GRAMD1B: variants seen among roughly 807,000 people sequenced by gnomAD.
GRAMD1B encodes the protein GRAM domain containing 1B, also known as protein Aster-B.
Under a neutral mutation model 99.7 loss-of-function variants are expected in GRAMD1B, and 37 were observed. That is an observed-to-expected ratio of 0.37 (90% CI 0.29 to 0.49). The LOEUF (loss-of-function observed/expected upper bound fraction) is 0.49, where lower values mean the gene tolerates loss of function less well. Among genes scored for constraint, GRAMD1B ranks in the 20% least tolerant of loss-of-function variants. The pLI is 0.98. For missense variants in GRAMD1B, 888 were observed against 1,009.2 expected, an observed-to-expected ratio of 0.88 and a Z score of 1.63; for synonymous variants, 427 against 387.6, an observed-to-expected ratio of 1.10 and a Z score of -1.19.
chr11:123,451,579 G>C (rs1949889060), intron 1 of GRAMD1B, among the ~76,000 whole-genome samples: 1 of 152,138 alleles, frequency 6.6e-6, no homozygotes, highest in Non-Finnish European at 1.5e-5. Flanking sequence ...ATTTTAACTA[G>C]CAGTTTCGGT....
intron 1 of GRAMD1B, among the ~76,000 whole-genome samples, chr11:123,455,950 A>T (rs1449982778): frequency 1.3e-5 from 2 of 152,124 alleles, no homozygotes; most frequent in Admixed American, 1.3e-4. Flanking sequence ...TGGGCGGATC[A>T]TTTGAGGTCA....
chr11:123,447,210 A>G (rs1034553417), intron 1 of GRAMD1B, among the ~76,000 whole-genome samples: 1 of 152,220 alleles, frequency 6.6e-6, no homozygotes, highest in African/African-American at 2.4e-5. Flanking sequence ...ACTCACACTC[A>G]GCTGCCACCT....
intron 2 of GRAMD1B, among the ~76,000 whole-genome samples, chr11:123,545,026 G>A (rs1181554782): frequency 6.6e-6 from 1 of 152,172 alleles, no homozygotes; most frequent in Non-Finnish European, 1.5e-5. Context: ...AAGTGTGGAA[G>A]GACAGTGGGC....
chr11:123,619,281 C>T, intron 19 of GRAMD1B, 57 bp downstream of exon 19: 1 of 1,544,476 alleles, frequency 6.5e-7, no homozygotes, highest in East Asian at 2.5e-5. Context: ...GACTCCTTCC[C>T]TTATGCTGTG....
chr11:123,475,340 A>G (rs1951214666), intron 1 of GRAMD1B, among the ~76,000 whole-genome samples: 1 of 152,176 alleles, frequency 6.6e-6, no homozygotes, highest in African/African-American at 2.4e-5. Context: ...GTGACCTTCC[A>G]GGATAAGCTC....
At chr11:123,463,250 T>C (rs939811354) in intron 1 of GRAMD1B, among the ~76,000 whole-genome samples, 1 of 152,238 alleles carries the variant, frequency 6.6e-6, no homozygotes, top group African/African-American at 2.4e-5. Flanking sequence ...TGGCCCCAAG[T>C]GATCCACCCG....
intron 1 of GRAMD1B, among the ~76,000 whole-genome samples, chr11:123,363,990 C>T (rs1235454440): frequency 6.6e-6 from 1 of 152,164 alleles, no homozygotes; most frequent in African/African-American, 2.4e-5. Context: ...GCCAATCAAT[C>T]GGACATGGTT....
chr11:123,602,443 A>G (rs1952105509), intron 8 of GRAMD1B, among the ~76,000 whole-genome samples: 2 of 152,254 alleles, frequency 1.3e-5, no homozygotes, highest in Admixed American at 1.3e-4. Context: ...CTATGTGTAT[A>G]CATGTGCCAT....
intron 1 of GRAMD1B, among the ~76,000 whole-genome samples, chr11:123,416,441 T>C (rs1295522201): frequency 6.6e-6 from 1 of 152,192 alleles, no homozygotes; most frequent in Non-Finnish European, 1.5e-5. Flanking sequence ...ATGATAAAGA[T>C]AATGATCATA....
chr11:123,457,219 A>G (rs1260403762), intron 1 of GRAMD1B, among the ~76,000 whole-genome samples: 1 of 151,888 alleles, frequency 6.6e-6, no homozygotes, highest in African/African-American at 2.4e-5. Context: ...AGAGATTGTT[A>G]TAAAATGATA....
chr11:123,481,159 A>G (rs1448975862), intron 2 of GRAMD1B, among the ~76,000 whole-genome samples: 1 of 152,176 alleles, frequency 6.6e-6, no homozygotes, highest in Non-Finnish European at 1.5e-5. Flanking sequence ...ATAGGTTGAA[A>G]AGACTTCATA....
chr11:123,621,451 G>A (rs936068278), intron 19 of GRAMD1B, among the ~76,000 whole-genome samples: 1 of 152,136 alleles, frequency 6.6e-6, no homozygotes, highest in African/African-American at 2.4e-5. Flanking sequence ...GTGCCCCTGG[G>A]TGCACAAGGG....
intron 2 of GRAMD1B, among the ~76,000 whole-genome samples, chr11:123,568,584 C>A (rs1233348908): frequency 6.6e-6 from 1 of 152,188 alleles, no homozygotes; most frequent in African/African-American, 2.4e-5. Flanking sequence ...TGTGTCAGAT[C>A]TGCAGATGGC....
chr11:123,618,387 C>T, intron 17 of GRAMD1B: 6 of 1,604,662 alleles, frequency 3.7e-6, no homozygotes, highest in Non-Finnish European at 5.1e-6. Flanking sequence ...CCTTTACCCC[C>T]TCATCTCTTT....
Position 123,361,286 on chromosome 11 carries a change from T to C in GRAMD1B, c.-176+2487T>C, listed in dbSNP as rs572917491. On this transcript the variant is annotated intron_variant, in intron 1 of 20. Coordinates refer to the GRAMD1B transcript ENST00000638157. ...TGTCACTGAAATCACCAGCCCTAGG[T>C]CTGCAGCTGCACTCCAGAGGTGTTT... is the stretch of plus-strand genomic sequence containing the variant. Among the ~76,000 whole-genome samples, 6 of 152,294 alleles carry C rather than the reference T, an allele frequency of 3.9e-5. No homozygotes were observed. The South Asian group carries it at 1.2e-3, about 32-fold the overall frequency.
At chr11:123,514,017 C>T (rs953796122) in intron 2 of GRAMD1B, among the ~76,000 whole-genome samples, 5 of 152,072 alleles carry the variant, frequency 3.3e-5, no homozygotes, top group African/African-American at 9.7e-5. Flanking sequence ...ATTCATTCAC[C>T]AGAGGGTTAT....
intron 1 of GRAMD1B, chr11:123,435,544 C>T (rs1398783005): frequency 1.2e-5 from 8 of 670,974 alleles, no homozygotes; most frequent in Non-Finnish European, 1.9e-5. Flanking sequence ...ATGGTAAAGA[C>T]AGCATGGCTT....
chr11:123,497,980 C>G (rs1053995440), intron 2 of GRAMD1B, among the ~76,000 whole-genome samples: 6 of 152,252 alleles, frequency 3.9e-5, no homozygotes, highest in Admixed American at 1.3e-4. Flanking sequence ...CTTCCCTCCC[C>G]CTTCCCGGCC....
At chr11:123,590,923 C>T (rs566954021) in intron 4 of GRAMD1B, among the ~76,000 whole-genome samples, 1 of 152,174 alleles carries the variant, frequency 6.6e-6, no homozygotes. Flanking sequence ...AGACCCTGGA[C>T]CCGGCTGTGG....
Sources: allele counts gnomAD v4.1 joint callset (sites outside exome capture counted in the v4.1 genomes callset), GRCh38; gene constraint gnomAD v4.1.1; transcripts MANE v1.5; gene names NCBI Gene and HGNC (gene_info 2026-07-23, HGNC 2026-07-21).